NT5DC1: variants seen among roughly 807,000 people sequenced by gnomAD.
NT5DC1 encodes the protein 5'-nucleotidase domain containing 1, also known as 5'-nucleotidase domain-containing protein 1.
In NT5DC1, 42 loss-of-function variants were observed where a neutral mutation model predicts 59.4. The ratio of observed to expected loss-of-function variants is 0.71; its 90% CI spans 0.55 to 0.92. The LOEUF is 0.92. Among genes scored for constraint, NT5DC1 ranks in the 40% least tolerant of loss-of-function variants. NT5DC1 has a pLI of 0.00. For synonymous variants in NT5DC1, 172 were observed against 188.1 expected (o/e 0.91, Z 0.70); for missense variants, 501 against 537.1 (o/e 0.93, Z 0.66).
chr6:116,187,983 A>G (rs1157192493), intron 6 of NT5DC1, among the ~76,000 whole-genome samples: 1 of 152,084 alleles, frequency 6.6e-6, no homozygotes, highest in African/African-American at 2.4e-5. Flanking sequence ...AGTGTAAAAA[A>G]GACCTATAAA....
intron 3 of NT5DC1, among the ~76,000 whole-genome samples, chr6:116,109,330 C>A (rs543324980): frequency 1.3e-5 from 2 of 152,270 alleles, no homozygotes; most frequent in East Asian, 3.9e-4. Flanking sequence ...GTAGCCCCAC[C>A]TTTGGTATTT....
intron 6 of NT5DC1, among the ~76,000 whole-genome samples, chr6:116,162,259 G>A (rs994365152): frequency 2.0e-5 from 3 of 152,134 alleles, no homozygotes; most frequent in Non-Finnish European, 4.4e-5. Context: ...CGATTTGGAT[G>A]CCTTTAATTT....
chr6:116,243,948 G>T lies in NT5DC1; in HGVS notation c.1292G>T (p.Ser431Ile). 1 of 1,577,292 alleles carries T rather than the reference G, an allele frequency of 6.3e-7. No individual in the cohort carries two copies. The highest frequency in any genetic ancestry group is 8.7e-7 in the Non-Finnish European group (1 of 1,151,582). Reference sequence around the variant, plus strand: ...TACAAATTTACAAGATTCTCTTCAAGCAATTCAAAAACAGCTGGCTACTAT... The same window carrying T: ...TACAAATTTACAAGATTCTCTTCAATCAATTCAAAAACAGCTGGCTACTAT... ...LDYKFTRFSS[S>I]NSKTAGYYPN... is the part of the protein sequence containing the mutation. Residue 431 changes from serine (S) to isoleucine (I), a missense_variant, in exon 12 of 12, where the codon AGC (serine) becomes ATC (isoleucine). Coordinates refer to ENST00000319550, the MANE Select transcript of NT5DC1 (RefSeq NM_152729.3).
intron 6 of NT5DC1, among the ~76,000 whole-genome samples, chr6:116,139,074 A>T (rs932294388): frequency 2.0e-5 from 3 of 152,188 alleles, no homozygotes; most frequent in Non-Finnish European, 4.4e-5. Context: ...ACTACAAAAA[A>T]AGATGTATTC....
intron 8 of NT5DC1, among the ~76,000 whole-genome samples, chr6:116,224,963 G>C (rs1043582107): frequency 1.1e-4 from 16 of 152,038 alleles, no homozygotes; most frequent in African/African-American, 3.9e-4. Context: ...AATGGAGAGA[G>C]GTAGATACAT....
chr6:116,105,700 G>A (rs1778753635), intron 1 of NT5DC1, among the ~76,000 whole-genome samples: 1 of 151,908 alleles, frequency 6.6e-6, no homozygotes, highest in South Asian at 2.1e-4. Context: ...GCTTCCAGAG[G>A]CTTTCTTTGT....
At chr6:116,127,843 C>A (rs1294208583) in intron 6 of NT5DC1, among the ~76,000 whole-genome samples, 1 of 152,166 alleles carries the variant, frequency 6.6e-6, no homozygotes, top group Non-Finnish European at 1.5e-5. Context: ...GCTCTTAATA[C>A]ATAGTGCTAT....
At chr6:116,125,539 C>T (rs760042533) in intron 6 of NT5DC1, 3 of 1,590,108 alleles carry the variant, frequency 1.9e-6, no homozygotes, top group Admixed American at 1.7e-5. Context: ...CTTTATACAG[C>T]ATTGTTATTA....
rs577101417 is a variant in NT5DC1 at position 116,187,159 on chromosome 6, A to G, written c.530-33895A>G. On this transcript the variant is annotated intron_variant, in intron 6 of 11. Transcript: ENST00000319550. ...CTGAATCTAGCCACCCAGCAGAGCT[A>G]CTGGGCTTTGATCTGGTACTGGGAA... Among the ~76,000 whole-genome samples, 8 of 152,124 alleles carry G rather than the reference A, an allele frequency of 5.3e-5. No individual in the cohort carries two copies. The South Asian group carries it at 1.7e-3, about 32-fold the overall frequency.
intron 6 of NT5DC1, among the ~76,000 whole-genome samples, chr6:116,128,314 T>G (rs891969036): frequency 1.3e-5 from 2 of 152,156 alleles, no homozygotes; most frequent in Non-Finnish European, 2.9e-5. Context: ...CAAAACAGAT[T>G]GTAGAATCAG....
intron 8 of NT5DC1, among the ~76,000 whole-genome samples, chr6:116,235,273 T>C (rs976451617): frequency 3.9e-5 from 6 of 152,174 alleles, no homozygotes; most frequent in African/African-American, 1.4e-4. Flanking sequence ...TTTCAGTAAA[T>C]AAACAGACAT....
intron 4 of NT5DC1, 129 bp from the exon 5 acceptor site, chr6:116,115,562 C>G (rs1778947672): frequency 2.3e-6 from 1 of 438,480 alleles, no homozygotes; most frequent in African/African-American, 2.0e-5. Flanking sequence ...AATGGTGCCA[C>G]TTTGAATTGG....
intron 6 of NT5DC1, among the ~76,000 whole-genome samples, chr6:116,207,468 T>A (rs1781481327): frequency 6.6e-6 from 1 of 151,964 alleles, no homozygotes; most frequent in African/African-American, 2.4e-5. Context: ...TTTTTCAGAT[T>A]TTTTTTCATG....
At chr6:116,211,806 A>G (rs1278667227) in intron 6 of NT5DC1, among the ~76,000 whole-genome samples, 1 of 152,076 alleles carries the variant, frequency 6.6e-6, no homozygotes, top group Admixed American at 6.6e-5. Flanking sequence ...GTGCAAATCT[A>G]AGAGAATCTA....
At chr6:116,172,942 A>G (rs1780644473) in intron 6 of NT5DC1, among the ~76,000 whole-genome samples, 1 of 152,162 alleles carries the variant, frequency 6.6e-6, no homozygotes, top group Non-Finnish European at 1.5e-5. Flanking sequence ...GGTGTGGATA[A>G]CCAATTAGGA....
At chr6:116,158,551 T>C (rs372582025) in intron 6 of NT5DC1, 14 of 152,326 alleles carry the variant, frequency 9.2e-5, no homozygotes, top group African/African-American at 3.4e-4. Context: ...TTTTGCCCTG[T>C]TTTTCATCTA....
intron 8 of NT5DC1, among the ~76,000 whole-genome samples, chr6:116,228,490 A>G (rs1781949932): frequency 7.0e-6 from 1 of 143,808 alleles, no homozygotes; most frequent in South Asian, 2.4e-4. Flanking sequence ...CCTGGGCAAC[A>G]AGAGTGAAAC....
chr6:116,236,568 T>C (rs1198580898), intron 8 of NT5DC1, among the ~76,000 whole-genome samples: 1 of 152,218 alleles, frequency 6.6e-6, no homozygotes, highest in African/African-American at 2.4e-5. Context: ...ATTAAAAACT[T>C]ACCTTCCTCA....
intron 8 of NT5DC1, among the ~76,000 whole-genome samples, chr6:116,225,534 C>G (rs1437505909): frequency 2.0e-5 from 3 of 152,078 alleles, no homozygotes; most frequent in African/African-American, 7.2e-5. Flanking sequence ...GCCAGCTAGT[C>G]CAAATGCTAC....
Sources: allele counts gnomAD v4.1 joint callset (sites outside exome capture counted in the v4.1 genomes callset), GRCh38; gene constraint gnomAD v4.1.1; transcripts MANE v1.5; gene names NCBI Gene and HGNC (gene_info 2026-07-23, HGNC 2026-07-21).